The following ANTXR2 variants were observed in gnomAD, a reference collection of about 807,000 sequenced individuals.
ANTXR2 encodes ANTXR cell adhesion molecule 2.
Under a neutral mutation model 73.7 loss-of-function variants are expected in ANTXR2, and 44 were observed. That is an observed-to-expected ratio of 0.60 (90% confidence interval 0.47 to 0.77). ANTXR2 has a LOEUF of 0.77. ANTXR2 is among the 30% of genes least tolerant of loss of function. ANTXR2 has a pLI of 0.00. For missense variants in ANTXR2, 604 were observed against 592.5 expected, an observed-to-expected ratio of 1.02 and a Z score of -0.20; for synonymous variants, 217 against 205.9, an observed-to-expected ratio of 1.05 and a Z score of -0.46.
At chr4:79,991,294 C>T (rs1157072866) in intron 12 of ANTXR2, among the ~76,000 whole-genome samples, 1 of 151,700 alleles carries the variant, frequency 6.6e-6, no homozygotes, top group Admixed American at 6.6e-5. Context: ...GCAAAGGACA[C>T]GAACAGGCAC....
intron 7 of ANTXR2, among the ~76,000 whole-genome samples, chr4:80,041,075 T>A (rs1733222878): frequency 6.6e-6 from 1 of 152,068 alleles, no homozygotes; most frequent in African/African-American, 2.4e-5. Context: ...TTTTTATGAA[T>A]TTTTTTCAGC....
At chr4:79,966,881 G>A (rs1729386986) in intron 16 of ANTXR2, among the ~76,000 whole-genome samples, 1 of 151,370 alleles carries the variant, frequency 6.6e-6, no homozygotes, top group Admixed American at 6.6e-5. Context: ...TATTTACTGT[G>A]CTGGCGACTA....
intron 16 of ANTXR2, among the ~76,000 whole-genome samples, chr4:79,973,620 G>C (rs1425546096): frequency 6.6e-6 from 1 of 152,016 alleles, no homozygotes; most frequent in East Asian, 1.9e-4. Context: ...GTAGAGACAG[G>C]GTTTCACCAT....
intron 16 of ANTXR2, among the ~76,000 whole-genome samples, chr4:79,954,340 C>T (rs1161911864): frequency 6.6e-6 from 1 of 152,102 alleles, no homozygotes; most frequent in African/African-American, 2.4e-5. Flanking sequence ...TTTAAAGTCT[C>T]AGTTTCCTTA....
At position 80,072,623 on chromosome 4, in the gene ANTXR2, A is replaced by G. The variant is rs1734864495; in HGVS notation, c.-63T>C. ...GTCCCCTAAGCTCAGGAGGGTCGCA[A>G]AGGTGGCGGGAGTCACCCGGCACGC... On this transcript the variant is annotated 5_prime_UTR_variant, in exon 1 of 17. Transcript: ENST00000403729. The G allele has an allele frequency of 4.3e-6, 6 of 1,387,852 alleles. No homozygotes were observed. The Admixed American group carries it at 1.4e-4, about 31-fold the overall frequency. The allele number at this position is 1,387,852 out of a possible 1,614,324, so 86.0% of individuals were successfully genotyped here.
intron 11 of ANTXR2, among the ~76,000 whole-genome samples, chr4:80,009,060 A>G (rs1429223877): frequency 1.3e-5 from 2 of 152,216 alleles, no homozygotes; most frequent in Admixed American, 6.5e-5. Flanking sequence ...ATATTAAAAA[A>G]AATTATCAAG....
chr4:79,913,003 G>C (rs1727208696), intron 16 of ANTXR2, among the ~76,000 whole-genome samples: 1 of 152,090 alleles, frequency 6.6e-6, no homozygotes, highest in South Asian at 2.1e-4. Context: ...TCAAATATTT[G>C]CTATCTTAAA....
In ANTXR2 at chr4:80,072,570, G is replaced by A. The variant is rs552054993; in HGVS notation, c.-10C>T. ...ACCGCTCCGCCACCATCCTGCGGCC[G>A]GGGGCCTGAGACTCCCTCCCGCTCG... On this transcript the variant is annotated 5_prime_UTR_variant, in exon 1 of 17. Coordinates refer to ENST00000403729, the MANE Select transcript of ANTXR2 (RefSeq NM_058172.6). 171 of 1,521,756 alleles carry A rather than the reference G, an allele frequency of 1.1e-4. No individual in the cohort carries two copies. In the African/African-American group the frequency reaches 2.2e-3, roughly 20 times the overall value. 94.3% of individuals were successfully genotyped at this position (1,521,756 alleles called of 1,614,324 possible).
chr4:80,047,109 G>A (rs1327473455), intron 7 of ANTXR2, among the ~76,000 whole-genome samples: 4 of 151,600 alleles, frequency 2.6e-5, no homozygotes, highest in African/African-American at 7.3e-5. Flanking sequence ...AATGTCATCA[G>A]TTTAGTTTAG....
rs954334146 is a variant in ANTXR2, at chr4:79,901,503, C to G, written c.*5926G>C. 1 of 142,028 alleles carries G rather than the reference C, an allele frequency of 7.0e-6. No homozygotes were observed. Among genetic ancestry groups the G allele is most frequent in the African/African-American group, 2.7e-5 (1 of 37,734 alleles). 8.8% of individuals were successfully genotyped at this position (142,028 alleles called of 1,614,324 possible). A position where few individuals can be genotyped will look rare whatever the true frequency, so the allele number is the denominator to read the frequency against. Reference sequence around the variant, plus strand: ...TGCATATCTTTTTCATAGTCTACACCCTAGAACAACCATACCCAATATTTT... The same window carrying G: ...TGCATATCTTTTTCATAGTCTACACGCTAGAACAACCATACCCAATATTTT... On this transcript the variant is annotated 3_prime_UTR_variant, in exon 17 of 17. Transcript: ENST00000403729.
At chr4:80,024,806 T>C in intron 10 of ANTXR2, 1 of 324,086 alleles carries the variant, frequency 3.1e-6, no homozygotes, top group South Asian at 2.4e-5. Flanking sequence ...AAAAGTAGTC[T>C]AAAGGGATAT....
chr4:79,951,953 T>C (rs1038165604), intron 16 of ANTXR2, among the ~76,000 whole-genome samples: 7 of 152,276 alleles, frequency 4.6e-5, no homozygotes, highest in African/African-American at 1.7e-4. Flanking sequence ...ATGTGGATTG[T>C]TGCCCTTTTG....
chr4:80,061,153 C>A (rs765924043), intron 3 of ANTXR2, among the ~76,000 whole-genome samples: 4 of 152,078 alleles, frequency 2.6e-5, no homozygotes, highest in Non-Finnish European at 5.9e-5. Flanking sequence ...AACTACCATG[C>A]CTTAATAAAT....
chr4:80,065,719 T>A (rs1734465737), intron 3 of ANTXR2, among the ~76,000 whole-genome samples: 1 of 152,230 alleles, frequency 6.6e-6, no homozygotes, highest in Admixed American at 6.5e-5. Context: ...AAGTATTTAC[T>A]ACCTTCTAAT....
intron 16 of ANTXR2, among the ~76,000 whole-genome samples, chr4:79,925,134 G>T (rs1727733739): frequency 6.6e-6 from 1 of 152,064 alleles, no homozygotes; most frequent in South Asian, 2.1e-4. Context: ...ATATTCTTGT[G>T]CTGGCAAAAC....
intron 16 of ANTXR2, among the ~76,000 whole-genome samples, chr4:79,930,656 C>G (rs1279362101): frequency 1.3e-5 from 2 of 152,168 alleles, no homozygotes; most frequent in East Asian, 3.9e-4. Context: ...CTCTCATTCT[C>G]TCCTTCTTTT....
At chr4:79,922,421 T>C (rs1455533861) in intron 16 of ANTXR2, among the ~76,000 whole-genome samples, 3 of 152,078 alleles carry the variant, frequency 2.0e-5, no homozygotes, top group Non-Finnish European at 4.4e-5. Flanking sequence ...TTATGTTAAC[T>C]AACATGAGTA....
intron 1 of ANTXR2, 120 bp downstream of exon 1, chr4:80,072,289 G>A (rs1734830965): frequency 1.8e-6 from 2 of 1,138,176 alleles, no homozygotes; most frequent in Non-Finnish European, 1.2e-6. Context: ...CAGCAACAGG[G>A]CACCCCTCCG....
chr4:80,038,861 T>G (rs1174450670), intron 7 of ANTXR2, among the ~76,000 whole-genome samples: 1 of 152,030 alleles, frequency 6.6e-6, no homozygotes, highest in Non-Finnish European at 1.5e-5. Flanking sequence ...AAAAAAAAAC[T>G]GTTTGGACCT....
Sources: allele counts gnomAD v4.1 joint callset (sites outside exome capture counted in the v4.1 genomes callset), GRCh38; gene constraint gnomAD v4.1.1; transcripts MANE v1.5; gene names NCBI Gene and HGNC (gene_info 2026-07-23, HGNC 2026-07-21).